PIEZO2: variants seen among roughly 807,000 people sequenced by gnomAD.
PIEZO2 encodes piezo type mechanosensitive ion channel component 2, also known as piezo-type mechanosensitive ion channel component 2.
In PIEZO2, 172 loss-of-function variants were observed where a neutral mutation model predicts 337.3. The ratio of observed to expected loss-of-function variants is 0.51; its 90% confidence interval spans 0.45 to 0.58. The LOEUF is 0.58. Ranked by LOEUF, PIEZO2 falls within the 20% of genes least tolerant of loss-of-function variation. The pLI is 0.00. For synonymous variants in PIEZO2, 1,251 were observed against 1,228.5 expected, an observed-to-expected ratio of 1.02 and a Z score of -0.38; for missense variants, 3,028 against 3,391.3, an observed-to-expected ratio of 0.89 and a Z score of 2.66.
intron 1 of PIEZO2, among the ~76,000 whole-genome samples, chr18:11,108,297 A>C (rs1228041943): frequency 6.6e-6 from 1 of 152,124 alleles, no homozygotes; most frequent in Non-Finnish European, 1.5e-5. Flanking sequence ...GACTAGGAAA[A>C]GCTGTTAAAT....
At chr18:10,918,816 T>C (rs953882687) in intron 3 of PIEZO2, among the ~76,000 whole-genome samples, 5 of 152,000 alleles carry the variant, frequency 3.3e-5, no homozygotes, top group African/African-American at 1.2e-4. Flanking sequence ...GCTTATATAG[T>C]GTTCCATAGT....
chr18:10,898,787 C>T (rs1293284410), intron 4 of PIEZO2, among the ~76,000 whole-genome samples: 1 of 152,124 alleles, frequency 6.6e-6, no homozygotes, highest in African/African-American at 2.4e-5. Flanking sequence ...GAACATCAAT[C>T]TTTCAGCCAC....
At chr18:10,884,047 G>A (rs1460222936) in intron 4 of PIEZO2, among the ~76,000 whole-genome samples, 1 of 152,006 alleles carries the variant, frequency 6.6e-6, no homozygotes, top group African/African-American at 2.4e-5. Context: ...TCCTGACCTT[G>A]TGATCCACCC....
chr18:10,845,941 T>A (rs1269655202), intron 7 of PIEZO2, among the ~76,000 whole-genome samples: 2 of 152,238 alleles, frequency 1.3e-5, no homozygotes, highest in Non-Finnish European at 2.9e-5. Flanking sequence ...CCATTAAGCC[T>A]CACTTAGTTC....
chr18:10,871,220 T>A, intron 5 of PIEZO2, 33 bp downstream of exon 5: 1 of 1,524,444 alleles, frequency 6.6e-7, no homozygotes, highest in African/African-American at 1.4e-5. Flanking sequence ...TCCTCAGAAA[T>A]CAAAGAAGGA....
rs2037201912 is a variant in PIEZO2, at chr18:10,741,091, T to C, written c.4648A>G (p.Lys1550Glu). The change falls in exon 33 of 56, where the codon AAA becomes GAA. Residue 1550 changes from lysine (K) to glutamate (E), a missense_variant. Lys to Glu is a moderately conservative substitution (Grantham distance 56). Transcript: ENST00000674853. ...TTTTTTTTGCCCTTGGCTTTCTGTT[T>C]GTCTGCTTCTCCTAAAATAAAATAC... is the stretch of plus-strand genomic sequence containing the variant. ...SEEDDEREAD[K>E]QKAKGKKKQW... 2.0e-6 allele frequency: 3 copies of C among 1,536,104 alleles called. No individual in the cohort carries two copies. The highest frequency in any genetic ancestry group is 2.6e-6 in the Non-Finnish European group (3 of 1,146,474).
At chr18:10,776,130 A>G (rs1432113578) in intron 18 of PIEZO2, among the ~76,000 whole-genome samples, 2 of 152,202 alleles carry the variant, frequency 1.3e-5, no homozygotes, top group Admixed American at 1.3e-4. Flanking sequence ...TCTTTTTCTC[A>G]TTTTTATGGT....
chr18:11,113,960 T>C (rs1186045350), intron 1 of PIEZO2, among the ~76,000 whole-genome samples: 1 of 152,214 alleles, frequency 6.6e-6, no homozygotes, highest in African/African-American at 2.4e-5. Context: ...ATTCATGTAA[T>C]TTCAATAGCT....
chr18:11,011,098 A>G (rs527973339), intron 2 of PIEZO2, among the ~76,000 whole-genome samples: 5 of 152,354 alleles, frequency 3.3e-5, no homozygotes, highest in Non-Finnish European at 5.9e-5. Flanking sequence ...CCAATCCTTC[A>G]GTCATAACAC....
chr18:10,731,597 A>C (rs1369572790), intron 35 of PIEZO2, 76 bp from the exon 36 acceptor site: 1 of 905,820 alleles, frequency 1.1e-6, no homozygotes, highest in Admixed American at 3.8e-5. Context: ...AAGCTTCCTG[A>C]CTTTTGAAAT....
chr18:10,805,586 T>C (rs950207542), intron 8 of PIEZO2, among the ~76,000 whole-genome samples: 5 of 152,280 alleles, frequency 3.3e-5, no homozygotes, highest in African/African-American at 1.2e-4. Flanking sequence ...CATATACATA[T>C]GCATGTTTGT....
At chr18:11,133,815 T>C (rs531898690) in intron 1 of PIEZO2, among the ~76,000 whole-genome samples, 1 of 150,884 alleles carries the variant, frequency 6.6e-6, no homozygotes, top group Non-Finnish European at 1.5e-5. Context: ...TGTGTATATA[T>C]ATATATATAC....
At chr18:10,947,690 A>T (rs2033097279) in intron 3 of PIEZO2, among the ~76,000 whole-genome samples, 2 of 152,230 alleles carry the variant, frequency 1.3e-5, no homozygotes, top group African/African-American at 2.4e-5. Flanking sequence ...GTCACTACAT[A>T]GGTAAGCAGA....
rs1198801177 is a variant in PIEZO2, at chr18:11,094,431, A to G, written c.65-28209T>C. 1.3e-5 allele frequency among the ~76,000 whole-genome samples: 2 copies of G among 152,178 alleles called. No homozygotes were observed. Among genetic ancestry groups the G allele is most frequent in the Non-Finnish European group, 2.9e-5 (2 of 68,030 alleles). ...TTTCCACCATTTTACAGCTGCCTTCATGGGTAAAGCAACTTAGTTCTCTTA... is the reference window on the plus strand; with the variant it reads ...TTTCCACCATTTTACAGCTGCCTTCGTGGGTAAAGCAACTTAGTTCTCTTA... On this transcript the variant is annotated intron_variant, in intron 1 of 55. Transcript: ENST00000674853. The surrounding 1 kb of genome is among the most constrained non-coding windows in gnomAD (Gnocchi z 4.4).
intron 5 of PIEZO2, among the ~76,000 whole-genome samples, chr18:10,868,639 C>A (rs1306510636): frequency 6.6e-6 from 1 of 152,110 alleles, no homozygotes; most frequent in Non-Finnish European, 1.5e-5. Context: ...TTATTGTTAT[C>A]TTTAAATAAT....
At chr18:10,955,997 C>A (rs1014275965) in intron 3 of PIEZO2, among the ~76,000 whole-genome samples, 1 of 152,068 alleles carries the variant, frequency 6.6e-6, no homozygotes, top group Non-Finnish European at 1.5e-5. Flanking sequence ...CTTTGACATC[C>A]TTTCTTTGGG....
Position 10,673,830 on chromosome 18 carries a change from G to A in PIEZO2, c.8162-957C>T, listed in dbSNP as rs623589. On this transcript the variant is annotated intron_variant, in intron 54 of 55. Coordinates refer to ENST00000674853, the MANE Select transcript of PIEZO2 (RefSeq NM_001378183.1). This position sits in a 1 kb window ranked among gnomAD's most constrained non-coding sequence, Gnocchi z 4.8. ...CACAGGTGTCCAATCTTTTGGGTTCGCTGGGCCACATTGGAAGAAGAAGAA... is the reference window on the plus strand; with the variant it reads ...CACAGGTGTCCAATCTTTTGGGTTCACTGGGCCACATTGGAAGAAGAAGAA... Among the ~76,000 whole-genome samples, 12 of 151,928 alleles carry A rather than the reference G, an allele frequency of 7.9e-5. No individual in the cohort carries two copies. The highest frequency in any genetic ancestry group is 2.1e-4 in the South Asian group (1 of 4,816).
At chr18:11,082,264 T>G (rs2038769496) in intron 1 of PIEZO2, among the ~76,000 whole-genome samples, 2 of 152,204 alleles carry the variant, frequency 1.3e-5, no homozygotes, top group Non-Finnish European at 2.9e-5. Context: ...ACTAATTTTC[T>G]TCTACTCGAA....
At chr18:10,926,897 A>C (rs1381294245) in intron 3 of PIEZO2, among the ~76,000 whole-genome samples, 1 of 152,228 alleles carries the variant, frequency 6.6e-6, no homozygotes, top group African/African-American at 2.4e-5. Flanking sequence ...CCATTTCCTG[A>C]GGTTTTATCA....
Sources: gnomAD v4.1 joint callset for allele counts (sites outside exome capture counted in the v4.1 genomes callset) on GRCh38, gnomAD v4.1.1 for gene constraint, Gnocchi (gnomAD v3.1) non-coding constraint, MANE v1.5 for transcripts, NCBI Gene and HGNC (gene_info 2026-07-23, HGNC 2026-07-21) for gene names.